ERBB4: variants seen among roughly 807,000 people sequenced by gnomAD.
ERBB4 encodes the protein erb-b2 receptor tyrosine kinase 4.
In ERBB4, 42 loss-of-function variants were observed where a neutral mutation model predicts 158.0. The ratio of observed to expected loss-of-function variants is 0.27; its 90% CI spans 0.21 to 0.34. The LOEUF is 0.34. ERBB4 is among the 10% of genes least tolerant of loss of function. The pLI is 1.00. For missense variants in ERBB4, 1,333 were observed against 1,624.1 expected, an observed-to-expected ratio of 0.82 and a Z score of 3.08; for synonymous variants, 583 against 558.7, an observed-to-expected ratio of 1.04 and a Z score of -0.61.
chr2:211,524,990 G>A (rs114936524), intron 20 of ERBB4, among the ~76,000 whole-genome samples: 5,327 of 152,266 alleles, frequency 0.035, 305 homozygotes, highest in African/African-American at 0.12. Context: ...TGCTCCCATA[G>A]GGAGCATTCA....
chr2:211,888,399 T>C (rs1337438626), intron 3 of ERBB4, among the ~76,000 whole-genome samples: 2 of 152,252 alleles, frequency 1.3e-5, no homozygotes, highest in Non-Finnish European at 2.9e-5. Flanking sequence ...TGATTATATA[T>C]TTCACAAGAA....
chr2:211,644,065 T>C (rs985065677), intron 16 of ERBB4, among the ~76,000 whole-genome samples: 10 of 151,984 alleles, frequency 6.6e-5, no homozygotes, highest in African/African-American at 1.9e-4. Flanking sequence ...CCATAGTAGA[T>C]TGGAAGTAAC....
At chr2:212,510,156 A>G (rs949161648) in intron 1 of ERBB4, among the ~76,000 whole-genome samples, 4 of 145,460 alleles carry the variant, frequency 2.7e-5, no homozygotes, top group Non-Finnish European at 6.0e-5. Flanking sequence ...ATACATATAA[A>G]TATATATATA....
At chr2:211,593,698 T>C (rs972380769) in intron 19 of ERBB4, among the ~76,000 whole-genome samples, 3 of 152,214 alleles carry the variant, frequency 2.0e-5, no homozygotes, top group African/African-American at 7.2e-5. Context: ...ACATAGTTAA[T>C]GTTGACCAGA....
chr2:212,095,768 T>C (rs1321755369), intron 2 of ERBB4, among the ~76,000 whole-genome samples: 1 of 151,672 alleles, frequency 6.6e-6, no homozygotes, highest in Non-Finnish European at 1.5e-5. Flanking sequence ...CCGTCTCTAC[T>C]AAAAACACAG....
chr2:212,508,704 T>C (rs2106268965), intron 1 of ERBB4, among the ~76,000 whole-genome samples: 1 of 152,250 alleles, frequency 6.6e-6, no homozygotes, highest in South Asian at 2.1e-4. Flanking sequence ...CAGTAGTGGG[T>C]AATTATCCTA....
intron 2 of ERBB4, among the ~76,000 whole-genome samples, chr2:212,055,371 G>T (rs2077526160): frequency 6.6e-6 from 1 of 152,148 alleles, no homozygotes; most frequent in East Asian, 1.9e-4. Context: ...ACCTCTGGGG[G>T]CAGGGCATAG....
chr2:211,690,651 C>T (rs2072774879), intron 12 of ERBB4, among the ~76,000 whole-genome samples: 1 of 152,094 alleles, frequency 6.6e-6, no homozygotes, highest in Non-Finnish European at 1.5e-5. Flanking sequence ...AAGGAAGTAT[C>T]TCCACATAGC....
intron 8 of ERBB4, among the ~76,000 whole-genome samples, chr2:211,712,488 C>T (rs1226777414): frequency 6.6e-6 from 1 of 151,980 alleles, no homozygotes. Context: ...ATCAATACTC[C>T]TCCTAACAAC....
chr2:211,398,744 T>G (rs2062973054), intron 25 of ERBB4, among the ~76,000 whole-genome samples: 1 of 152,156 alleles, frequency 6.6e-6, no homozygotes, highest in Non-Finnish European at 1.5e-5. Flanking sequence ...AGCAGGAGAA[T>G]TGCTTGAACC....
At chr2:212,000,675 C>A (rs1286952385) in intron 2 of ERBB4, among the ~76,000 whole-genome samples, 1 of 151,568 alleles carries the variant, frequency 6.6e-6, no homozygotes, top group Non-Finnish European at 1.5e-5. Context: ...GACTTAAATA[C>A]CAAGTTAAGA....
intron 17 of ERBB4, among the ~76,000 whole-genome samples, chr2:211,627,355 T>C (rs1369215810): frequency 6.6e-6 from 1 of 152,246 alleles, no homozygotes; most frequent in East Asian, 1.9e-4. Context: ...TTCAATAAGC[T>C]TCCAGCTAAA....
intron 4 of ERBB4, among the ~76,000 whole-genome samples, chr2:211,769,685 G>A (rs1172159290): frequency 1.3e-5 from 2 of 152,160 alleles, no homozygotes; most frequent in African/African-American, 4.8e-5. Context: ...AGGCCCAAGA[G>A]CCTCTGGCAA....
At chr2:211,412,472 T>C (rs1044393426) in intron 25 of ERBB4, among the ~76,000 whole-genome samples, 2 of 152,120 alleles carry the variant, frequency 1.3e-5, no homozygotes, top group African/African-American at 2.4e-5. Context: ...TTAAACTGAT[T>C]TAGCTTCCTT....
At chr2:212,220,014 T>C (rs970784481) in intron 1 of ERBB4, among the ~76,000 whole-genome samples, 1 of 150,082 alleles carries the variant, frequency 6.7e-6, no homozygotes, top group Non-Finnish European at 1.5e-5. Flanking sequence ...GAAATTTACA[T>C]GGTGAATGAA....
intron 2 of ERBB4, among the ~76,000 whole-genome samples, chr2:212,018,481 T>A (rs2076576048): frequency 1.3e-5 from 2 of 152,198 alleles, no homozygotes; most frequent in Admixed American, 6.5e-5. Context: ...TAAACCAGCA[T>A]AGAAGATTAA....
chr2:212,026,845 A>C (rs1440136378), intron 2 of ERBB4, among the ~76,000 whole-genome samples: 1 of 151,882 alleles, frequency 6.6e-6, no homozygotes, highest in East Asian at 1.9e-4. Flanking sequence ...AATATAACCA[A>C]GTCTTCCTAG....
chr2:212,261,851 T>C (rs1366459176), intron 1 of ERBB4, among the ~76,000 whole-genome samples: 1 of 152,076 alleles, frequency 6.6e-6, no homozygotes, highest in Non-Finnish European at 1.5e-5. Context: ...AAAGTAAAAA[T>C]GCACTCTGTT....
chr2:212,121,294 T>C (rs1176694896), intron 2 of ERBB4, among the ~76,000 whole-genome samples: 1 of 152,160 alleles, frequency 6.6e-6, no homozygotes, highest in Non-Finnish European at 1.5e-5. Context: ...TGCAGTGGTG[T>C]GATCTCAGCT....
Sources: allele counts gnomAD v4.1 joint callset (sites outside exome capture counted in the v4.1 genomes callset), GRCh38; gene constraint gnomAD v4.1.1; transcripts MANE v1.5; gene names NCBI Gene and HGNC (gene_info 2026-07-23, HGNC 2026-07-21).